Variants in ERBB4 observed in about 807,000 individuals in gnomAD.
ERBB4 encodes receptor tyrosine-protein kinase erbB-4.
A neutral mutation model predicts 158.0 loss-of-function variants in ERBB4; 42 were observed. The observed-to-expected ratio is 0.27, with a 90% confidence interval of 0.21 to 0.34. The LOEUF (loss-of-function observed/expected upper bound fraction) is 0.34, where lower values mean the gene tolerates loss of function less well. ERBB4 is among the 10% of genes least tolerant of loss of function. ERBB4 has a pLI of 1.00. For missense variants in ERBB4, 1,333 were observed against 1,624.1 expected (o/e 0.82, Z 3.08); for synonymous variants, 583 against 558.7 (o/e 1.04, Z -0.61).
intron 1 of ERBB4, among the ~76,000 whole-genome samples, chr2:212,522,009 G>A: frequency 6.6e-6 from 1 of 151,904 alleles, no homozygotes; most frequent in East Asian, 1.9e-4. Flanking sequence ...GAATTATTAT[G>A]AGTATCAAGC....
intron 25 of ERBB4, among the ~76,000 whole-genome samples, chr2:211,409,555 G>T (rs182201345): frequency 1.4e-3 from 213 of 152,196 alleles, no homozygotes; most frequent in African/African-American, 4.7e-3. Flanking sequence ...AATTCCATTT[G>T]TTCCTCCTAA....
chr2:211,953,455 G>A (rs927634474), intron 2 of ERBB4, among the ~76,000 whole-genome samples: 1 of 129,784 alleles, frequency 7.7e-6, no homozygotes, highest in African/African-American at 3.2e-5. Context: ...ATTAAATAAA[G>A]GTTTTTCTCC....
intron 19 of ERBB4, among the ~76,000 whole-genome samples, chr2:211,606,908 C>A (rs1014324610): frequency 6.6e-6 from 1 of 152,140 alleles, no homozygotes. Flanking sequence ...TACTCAAACC[C>A]CTTGTGTTCG....
intron 2 of ERBB4, among the ~76,000 whole-genome samples, chr2:211,963,026 AAT>A (rs1187861986): frequency 6.6e-6 from 1 of 152,166 alleles, no homozygotes; most frequent in African/African-American, 2.4e-5. Flanking sequence ...CTGTGTGCTT[AAT>A]ATGTTTTTAA....
At chr2:211,993,369 C>T (rs954736808) in intron 2 of ERBB4, among the ~76,000 whole-genome samples, 1 of 152,172 alleles carries the variant, frequency 6.6e-6, no homozygotes, top group Non-Finnish European at 1.5e-5. Context: ...GAGACACCTA[C>T]TCTGTGGGTA....
intron 3 of ERBB4, among the ~76,000 whole-genome samples, chr2:211,831,415 C>T (rs575401351): frequency 6.6e-6 from 1 of 152,228 alleles, no homozygotes; most frequent in African/African-American, 2.4e-5. Flanking sequence ...CCAGATGTCA[C>T]CCCAAATCAC....
chr2:212,422,379 T>C (rs2105909097), intron 1 of ERBB4, among the ~76,000 whole-genome samples: 1 of 152,162 alleles, frequency 6.6e-6, no homozygotes, highest in South Asian at 2.1e-4. Context: ...ATGCCTGTAG[T>C]CCCAGCTACT....
In ERBB4 at chr2:211,555,478, C is replaced by T. The variant is rs149375177; in HGVS notation, c.2487+6425G>A. On this transcript the variant is annotated intron_variant, in intron 20 of 27. Transcript: ENST00000342788. ...GGGATTACAGGCATGAGCCACTACG[C>T]CCAGCCTAAGTTTGTGTTTTCTATC... 4.3e-4 allele frequency among the ~76,000 whole-genome samples: 66 copies of T among 152,276 alleles called. No homozygotes were observed. In the East Asian group the frequency reaches 0.012, roughly 28 times the overall value.
intron 1 of ERBB4, among the ~76,000 whole-genome samples, chr2:212,328,862 G>A (rs1387387527): frequency 6.6e-6 from 1 of 151,976 alleles, no homozygotes; most frequent in Non-Finnish European, 1.5e-5. Context: ...TTCTAATGTG[G>A]CAGCTGAATA....
intron 22 of ERBB4, 23 bp downstream of exon 22, chr2:211,428,385 A>G (rs772527548): frequency 1.4e-6 from 2 of 1,408,038 alleles, no homozygotes; most frequent in East Asian, 4.6e-5. Flanking sequence ...ACAAGCTTTA[A>G]TTCGCAAAGA....
intron 1 of ERBB4, among the ~76,000 whole-genome samples, chr2:212,407,507 C>T (rs765590719): frequency 1.1e-4 from 16 of 152,160 alleles, no homozygotes; most frequent in South Asian, 2.1e-4. Flanking sequence ...ATCCCAAGCA[C>T]TCTGACTTCA....
intron 20 of ERBB4, among the ~76,000 whole-genome samples, chr2:211,478,838 C>G (rs1294886679): frequency 6.6e-6 from 1 of 152,046 alleles, no homozygotes; most frequent in Non-Finnish European, 1.5e-5. Context: ...GAAACAAAAC[C>G]AATTCCAGGA....
chr2:212,073,480 T>G (rs989747445), intron 2 of ERBB4, among the ~76,000 whole-genome samples: 1 of 151,912 alleles, frequency 6.6e-6, no homozygotes, highest in African/African-American at 2.4e-5. Context: ...TCACACACCA[T>G]TGTGGCCAGA....
chr2:212,047,041 C>G (rs2077277458), intron 2 of ERBB4, among the ~76,000 whole-genome samples: 1 of 152,036 alleles, frequency 6.6e-6, no homozygotes, highest in African/African-American at 2.4e-5. Context: ...TTTTTGGGTT[C>G]TCTATTTCAT....
intron 15 of ERBB4, among the ~76,000 whole-genome samples, chr2:211,663,366 G>C (rs879503657): frequency 3.3e-5 from 5 of 152,152 alleles, no homozygotes; most frequent in African/African-American, 4.8e-5. Flanking sequence ...ATTTACCTTG[G>C]AAGATGCCAG....
At chr2:212,075,652 T>C (rs941975133) in intron 2 of ERBB4, among the ~76,000 whole-genome samples, 1 of 151,938 alleles carries the variant, frequency 6.6e-6, no homozygotes, top group Non-Finnish European at 1.5e-5. Context: ...TATAAATTTC[T>C]TGAATGTAGA....
intron 3 of ERBB4, among the ~76,000 whole-genome samples, chr2:211,852,527 C>A (rs975355376): frequency 4.0e-5 from 6 of 151,878 alleles, no homozygotes; most frequent in African/African-American, 1.4e-4. Flanking sequence ...AAATGACATA[C>A]AGCAGGTCCT....
chr2:211,669,188 A>G (rs1251343920), intron 14 of ERBB4, among the ~76,000 whole-genome samples: 3 of 144,426 alleles, frequency 2.1e-5, no homozygotes, highest in African/African-American at 7.9e-5. Flanking sequence ...ACGCCACTGC[A>G]CTACAGTCTG....
chr2:212,328,353 T>C lies in ERBB4; in HGVS notation c.83-203450A>G, dbSNP rs574056680. On this transcript the variant is annotated intron_variant, in intron 1 of 27. Coordinates refer to ENST00000342788, the MANE Select transcript of ERBB4 (RefSeq NM_005235.3). ...AGTGAACAAAGTGGAAGTTGCATCA[T>C]CTTTTATTACCCAGACTTGTATACG... 2.0e-5 allele frequency among the ~76,000 whole-genome samples: 3 copies of C among 152,156 alleles called. No homozygotes were observed. In the South Asian group the frequency reaches 6.2e-4, roughly 32 times the overall value.
Sources: gnomAD v4.1 joint callset for allele counts (sites outside exome capture counted in the v4.1 genomes callset) on GRCh38, gnomAD v4.1.1 for gene constraint, MANE v1.5 for transcripts, NCBI Gene and HGNC (gene_info 2026-07-23, HGNC 2026-07-21) for gene names.